Variants in KIF1B observed in about 807,000 individuals in gnomAD.
KIF1B encodes the protein kinesin-like protein KIF1B.
A neutral mutation model predicts 241.9 loss-of-function variants in KIF1B; 76 were observed. The observed-to-expected ratio is 0.31, with a 90% CI of 0.26 to 0.38. The LOEUF is 0.38. Ranked by LOEUF, KIF1B falls within the 10% of genes least tolerant of loss-of-function variation. KIF1B has a pLI of 1.00. For synonymous variants in KIF1B, 750 were observed against 796.7 expected (o/e 0.94, Z 0.99); for missense variants, 1,622 against 2,271.4 (o/e 0.71, Z 5.81).
chr1:10,276,719 A>G (rs2102222957), intron 12 of KIF1B, among the ~76,000 whole-genome samples: 1 of 152,284 alleles, frequency 6.6e-6, no homozygotes, highest in South Asian at 2.1e-4. Context: ...TTTAGGTAAT[A>G]GTGACATTTT....
At chr1:10,304,360 C>A (rs754550864) in intron 22 of KIF1B, 1 of 1,614,218 alleles carries the variant, frequency 6.2e-7, no homozygotes, top group Non-Finnish European at 8.5e-7. Flanking sequence ...TAATGGCCAG[C>A]CGAAAAGTAC....
chr1:10,266,117 T>G (rs1174090504), intron 5 of KIF1B, among the ~76,000 whole-genome samples: 1 of 152,186 alleles, frequency 6.6e-6, no homozygotes, highest in Non-Finnish European at 1.5e-5. Context: ...AAGTCTGATT[T>G]TGTAGATTCA....
chr1:10,256,931 C>A (rs1028996958), intron 3 of KIF1B, among the ~76,000 whole-genome samples: 3 of 151,890 alleles, frequency 2.0e-5, no homozygotes, highest in African/African-American at 7.3e-5. Context: ...AGGCTGGTCT[C>A]GAGCTTCTGA....
intron 11 of KIF1B, 31 bp downstream of exon 11, chr1:10,275,534 C>T: frequency 8.6e-7 from 1 of 1,161,342 alleles, no homozygotes. Flanking sequence ...AAGTAGTTAT[C>T]TTTTTAACTT....
intron 1 of KIF1B, among the ~76,000 whole-genome samples, chr1:10,222,805 A>T (rs1301143921): frequency 6.6e-6 from 1 of 152,230 alleles, no homozygotes; most frequent in Non-Finnish European, 1.5e-5. Context: ...TCGCAAGGAA[A>T]AGTGGTCAGA....
In KIF1B at chr1:10,373,292, G is replaced by T. The variant is rs112160734; in HGVS notation, c.4947-1024G>T. Among the ~76,000 whole-genome samples, 714 of 126,888 alleles carry T rather than the reference G, an allele frequency of 5.6e-3. 5 individuals carry two copies. The highest frequency in any genetic ancestry group is 0.021 in the African/African-American group (673 of 32,726). 83.2% of individuals were successfully genotyped at this position (126,888 alleles called of 152,430 possible). On this transcript the variant is annotated intron_variant, in intron 45 of 48. Coordinates refer to ENST00000676179, the MANE Select transcript of KIF1B (RefSeq NM_001365951.3). ...TTTTTTTGAGACAGAGTCTCACTCT[G>T]TCGCCCAGGCTGGAGTGCTGCAACC...
In KIF1B at chr1:10,292,032, C is replaced by A. The variant is rs1442460948; in HGVS notation, c.1515-15C>A. ...TTTTGGTATTAGTGTTCTGATATAC[C>A]TGTTTTTTTCCTAGAGAGGCTTTGT... On this transcript the variant is annotated splice_polypyrimidine_tract_variant and intron_variant, in intron 16 of 48. Transcript: ENST00000676179. 1.2e-6 allele frequency: 2 copies of A among 1,610,286 alleles called. No homozygotes were observed.
rs945101710 is a variant in KIF1B at position 10,318,026 on chromosome 1, A to G, written c.2116-2017A>G. Among the ~76,000 whole-genome samples the G allele has an allele frequency of 4.6e-5, 7 of 151,586 alleles. 1 individual carries two copies. The highest frequency in any genetic ancestry group is 7.3e-5 in the African/African-American group (3 of 40,886). ...TTAACTTTCTCAGAATTAGAAGGCT[A>G]GTAAGAACAAGTGCCAGGACCCCAA... On this transcript the variant is annotated intron_variant, in intron 22 of 48. Coordinates refer to ENST00000676179, the MANE Select transcript of KIF1B (RefSeq NM_001365951.3).
intron 22 of KIF1B, among the ~76,000 whole-genome samples, chr1:10,308,902 T>G (rs972416984): frequency 6.6e-6 from 1 of 152,252 alleles, no homozygotes; most frequent in Non-Finnish European, 1.5e-5. Context: ...GAGTTTAGTT[T>G]AACCATGTTT....
At chr1:10,329,557 A>C (rs1651843050) in intron 27 of KIF1B, among the ~76,000 whole-genome samples, 1 of 152,070 alleles carries the variant, frequency 6.6e-6, no homozygotes, top group African/African-American at 2.4e-5. Flanking sequence ...ACATGGTGAA[A>C]CCTCGTCTCT....
chr1:10,279,805 T>A (rs961344160), intron 14 of KIF1B, among the ~76,000 whole-genome samples: 6 of 150,626 alleles, frequency 4.0e-5, no homozygotes, highest in African/African-American at 1.5e-4. Flanking sequence ...CAAGTGATCT[T>A]TCCAGCTCAG....
At position 10,296,609 on chromosome 1, in the gene KIF1B, G is replaced by T. The variant is rs1173721364; in HGVS notation, c.1805G>T (p.Arg602Leu). Residue 602 changes from arginine (R) to leucine (L), a missense_variant, in exon 20 of 49, where the codon CGC becomes CTC. Physicochemically the swap from Arg to Leu is moderately radical, Grantham distance 102 (BLOSUM62 -2). Coordinates refer to ENST00000676179, the MANE Select transcript of KIF1B (RefSeq NM_001365951.3). Reference sequence around the variant, plus strand: ...ATCGTGACCTTAGAGCCCTGTGAGCGCTCAGAAACCTACGTAAATGGCAAG... The same window carrying T: ...ATCGTGACCTTAGAGCCCTGTGAGCTCTCAGAAACCTACGTAAATGGCAAG... The part of the protein sequence containing the change: ...EVIVTLEPCE[R>L]SETYVNGKRV... The T allele has an allele frequency of 1.9e-6, 3 of 1,613,822 alleles. No homozygotes were observed. Among genetic ancestry groups the T allele is most frequent in the South Asian group, 1.1e-5 (1 of 91,044 alleles).
In KIF1B at chr1:10,334,533, C is replaced by T; in HGVS notation, c.2938C>T (p.Leu980=). 6.2e-7 allele frequency: 1 copy of T among 1,613,468 alleles called. No individual in the cohort carries two copies. Among genetic ancestry groups the T allele is most frequent in the Non-Finnish European group, 8.5e-7 (1 of 1,179,464 alleles). The change falls in exon 28 of 49, where the codon CTG becomes TTG. Residue 980 remains leucine (L), a synonymous_variant. Coordinates refer to ENST00000676179, the MANE Select transcript of KIF1B (RefSeq NM_001365951.3). ...FILVGRAFVY[L]SNLLYPVPLI... The stretch of plus-strand genomic sequence containing the variant: ...TTCTGTCTTTAGGGCATTTGTTTAC[C>T]TGAGCAATCTGCTGTATCCCGTGCC...
chr1:10,248,093 C>G (rs1647261886), intron 2 of KIF1B, among the ~76,000 whole-genome samples: 1 of 152,204 alleles, frequency 6.6e-6, no homozygotes, highest in Non-Finnish European at 1.5e-5. Context: ...GCCCCCTGCT[C>G]TACAGCATTC....
intron 32 of KIF1B, among the ~76,000 whole-genome samples, chr1:10,341,255 A>C (rs1195346369): frequency 1.3e-5 from 2 of 152,352 alleles, no homozygotes; most frequent in East Asian, 3.9e-4. Context: ...AGCTATTTTA[A>C]GTTACTTTTT....
At chr1:10,305,181 A>G (rs1650765797) in intron 22 of KIF1B, 17 of 1,047,736 alleles carry the variant, frequency 1.6e-5, no homozygotes, top group Non-Finnish European at 1.7e-5. Flanking sequence ...AATTTTCGTA[A>G]GCCAAAACTA....
In KIF1B at chr1:10,365,674, A is replaced by C; in HGVS notation, c.4752+26A>C. 2 of 1,613,558 alleles carry C rather than the reference A, an allele frequency of 1.2e-6. No homozygotes were observed. The highest frequency in any genetic ancestry group is 1.7e-6 in the Non-Finnish European group (2 of 1,180,012). ...GTGTGAATCCCTTCCTCTTTGCTGA[A>C]CGTCTTCCCACAAGGCTCCACAAAC... On this transcript the variant is annotated intron_variant, in intron 43 of 48. Transcript: ENST00000676179. The surrounding 1 kb of genome is among the most constrained non-coding windows in gnomAD (Gnocchi z 4.0).
At position 10,275,506 on chromosome 1, in the gene KIF1B, A is replaced by G. The variant is rs1442935292; in HGVS notation, c.958+3A>G. The G allele has an allele frequency of 2.7e-6, 4 of 1,494,750 alleles. No individual in the cohort carries two copies. The highest frequency in any genetic ancestry group is 3.7e-6 in the Non-Finnish European group (4 of 1,071,502). The allele number at this position is 1,494,750 out of a possible 1,614,324, so 92.6% of individuals were successfully genotyped here. On this transcript the variant is annotated splice_donor_region_variant and intron_variant, in intron 11 of 48. Transcript: ENST00000676179. ...TTGGCTCCTTCGAGAAAATTTAGGT[A>G]TGTTGACCACTAGTGAAAAGTAGTT...
intron 26 of KIF1B, among the ~76,000 whole-genome samples, 198 bp from the exon 27 acceptor site, chr1:10,325,913 A>C (rs1055406533): frequency 2.6e-5 from 4 of 152,210 alleles, no homozygotes; most frequent in Non-Finnish European, 5.9e-5. Flanking sequence ...TAGTCCTTAC[A>C]TAACTTTTTC....
Sources: gnomAD v4.1 joint callset for allele counts (sites outside exome capture counted in the v4.1 genomes callset) on GRCh38, gnomAD v4.1.1 for gene constraint, Gnocchi (gnomAD v3.1) non-coding constraint, MANE v1.5 for transcripts, NCBI Gene and HGNC (gene_info 2026-07-23, HGNC 2026-07-21) for gene names.